ADAD1: variants seen among roughly 807,000 people sequenced by gnomAD.
The protein encoded by ADAD1 is adenosine deaminase domain-containing protein 1.
ADAD1 carries 46 observed loss-of-function variants against 66.8 expected under a neutral mutation model. The observed-to-expected ratio is 0.69, with a 90% CI of 0.54 to 0.88. ADAD1 has a LOEUF of 0.88. Ranked by LOEUF, ADAD1 falls within the 40% of genes least tolerant of loss-of-function variation. The pLI is 0.00. For synonymous variants in ADAD1, 248 were observed against 229.4 expected (o/e 1.08, Z -0.73); for missense variants, 617 against 681.8 (o/e 0.91, Z 1.06).
At chr4:122,405,049 A>T (rs1269972733) in intron 7 of ADAD1, among the ~76,000 whole-genome samples, 1 of 152,172 alleles carries the variant, frequency 6.6e-6, no homozygotes, top group Non-Finnish European at 1.5e-5. Context: ...ATTACCCTTT[A>T]CAACTCAGAG....
In ADAD1 at chr4:122,411,335, A is replaced by G. The variant is rs758774867; in HGVS notation, c.962A>G (p.Asn321Ser). ...SNLLTLKQNI[N>S]ICLYMNQLPK... ...CTACTCACTCTTAAACAGAATATCA[A>G]CATTTGCCTTTACATGAACCAGTTG... is the stretch of plus-strand genomic sequence containing the variant. Residue 321 changes from asparagine to serine, a missense_variant, in exon 9 of 13, where the codon AAC becomes AGC. Physicochemically the swap from Asn to Ser is conservative, Grantham distance 46 (BLOSUM62 1). Transcript: ENST00000296513. The G allele has an allele frequency of 2.3e-5, 37 of 1,613,468 alleles. No individual in the cohort carries two copies. The highest frequency in any genetic ancestry group is 2.9e-5 in the Non-Finnish European group (34 of 1,179,726).
chr4:122,422,064 T>C (rs914444207), intron 12 of ADAD1, among the ~76,000 whole-genome samples: 7 of 152,008 alleles, frequency 4.6e-5, no homozygotes, highest in African/African-American at 1.7e-4. Context: ...TAAGGCCATA[T>C]TGGGTATGGT....
chr4:122,425,447 AATT>A (rs1300097947), intron 12 of ADAD1, among the ~76,000 whole-genome samples: 3 of 152,060 alleles, frequency 2.0e-5, no homozygotes, highest in Non-Finnish European at 4.4e-5. Context: ...TCAAGGAAGA[AATT>A]ATTAGGAAAA....
In ADAD1 at chr4:122,429,700, G is replaced by A. The variant is rs1369324953; in HGVS notation, c.1692G>A (p.Trp564Ter). The change falls in exon 13 of 13, where the codon TGG becomes TGA. Residue 564 changes from tryptophan (W) to a stop codon, truncating the protein, a stop_gained. Transcript: ENST00000296513. LOFTEE classifies it high-confidence loss of function. ...TACAACAACATGGCTATGGATCCTG[G>A]ATTGTGAAATCTCCCTGCATAGAGC... ...SYLQQHGYGS[W>*]IVKSPCIEQF... 1 of 1,613,106 alleles carries A rather than the reference G, an allele frequency of 6.2e-7. No individual in the cohort carries two copies. The highest frequency in any genetic ancestry group is 8.5e-7 in the Non-Finnish European group (1 of 1,179,498).
intron 12 of ADAD1, among the ~76,000 whole-genome samples, chr4:122,424,913 G>T (rs1797161247): frequency 6.6e-6 from 1 of 152,024 alleles, no homozygotes. Context: ...TAACAAGACA[G>T]CTGGAATGTT....
At chr4:122,414,277 G>T (rs1420868897) in intron 10 of ADAD1, among the ~76,000 whole-genome samples, 1 of 108,166 alleles carries the variant, frequency 9.2e-6, no homozygotes, top group African/African-American at 3.1e-5. Context: ...TTTTTTTTTG[G>T]GGGGGGGGGT....
At chr4:122,383,657 T>C (rs868632817) in intron 4 of ADAD1, 142 bp from the exon 5 acceptor site, 2 of 885,528 alleles carry the variant, frequency 2.3e-6, no homozygotes, top group Non-Finnish European at 3.4e-6. Context: ...CTCCTATTGG[T>C]CCTACAAAAG....
In ADAD1 at chr4:122,412,691, T is replaced by C; in HGVS notation, c.1131T>C (p.Val377=). ...YLTVYCPKDG[V]NRISSMSSSD... ...CTGTTTACTGTCCTAAAGATGGTGT[T>C]AATAGAATAAGCAGTATGTCCTCAA... The change falls in exon 10 of 13, where the codon GTT becomes GTC. Residue 377 remains valine, a synonymous_variant. Coordinates refer to ENST00000296513, the MANE Select transcript of ADAD1 (RefSeq NM_139243.4). The C allele has an allele frequency of 6.2e-7, 1 of 1,613,902 alleles. No homozygotes were observed. The highest frequency in any genetic ancestry group is 8.5e-7 in the Non-Finnish European group (1 of 1,179,828).
intron 11 of ADAD1, among the ~76,000 whole-genome samples, chr4:122,418,888 G>T (rs1334637391): frequency 6.6e-6 from 1 of 152,292 alleles, no homozygotes; most frequent in African/African-American, 2.4e-5. Flanking sequence ...ACAGATGCTG[G>T]TGAGGTTGTG....
chr4:122,418,558 A>G (rs757718544), intron 11 of ADAD1, among the ~76,000 whole-genome samples: 3 of 151,938 alleles, frequency 2.0e-5, no homozygotes, highest in Non-Finnish European at 4.4e-5. Flanking sequence ...TCCTGACCTC[A>G]TGATCCGCCC....
At chr4:122,393,946 A>G (rs1305898968) in intron 6 of ADAD1, among the ~76,000 whole-genome samples, 2 of 152,146 alleles carry the variant, frequency 1.3e-5, no homozygotes, top group Non-Finnish European at 2.9e-5. Flanking sequence ...CTTGTCATGA[A>G]CGAAAACCAA....
At chr4:122,393,769 C>A in intron 6 of ADAD1, 112 bp downstream of exon 6, 1 of 728,624 alleles carries the variant, frequency 1.4e-6, no homozygotes, top group Non-Finnish European at 2.0e-6. Flanking sequence ...ACTTTATCAT[C>A]CAAACCTTTC....
chr4:122,410,003 C>T (rs1003731781), intron 8 of ADAD1, among the ~76,000 whole-genome samples: 1 of 152,140 alleles, frequency 6.6e-6, no homozygotes, highest in African/African-American at 2.4e-5. Flanking sequence ...TTCAAAGACA[C>T]TCAAGTGAGA....
intron 5 of ADAD1, among the ~76,000 whole-genome samples, chr4:122,392,033 A>C (rs1194007433): frequency 6.6e-6 from 1 of 152,198 alleles, no homozygotes; most frequent in Non-Finnish European, 1.5e-5. Flanking sequence ...TTTAAAATGC[A>C]AAACATCTTG....
At chr4:122,400,403 G>A (rs547599181) in intron 7 of ADAD1, among the ~76,000 whole-genome samples, 3 of 152,132 alleles carry the variant, frequency 2.0e-5, no homozygotes, top group South Asian at 4.2e-4. Flanking sequence ...GATTCAGTTA[G>A]CTAGTATTTT....
chr4:122,423,632 A>G (rs1232726338), intron 12 of ADAD1, among the ~76,000 whole-genome samples: 4 of 152,348 alleles, frequency 2.6e-5, no homozygotes, highest in Non-Finnish European at 4.4e-5. Flanking sequence ...TGAAAAATAC[A>G]TAGTTCTTAA....
chr4:122,407,272 T>C (rs896711094), intron 7 of ADAD1, among the ~76,000 whole-genome samples: 1 of 152,046 alleles, frequency 6.6e-6, no homozygotes, highest in African/African-American at 2.4e-5. Context: ...ATCTAGTCAC[T>C]GGGGAATGGA....
intron 5 of ADAD1, among the ~76,000 whole-genome samples, chr4:122,384,768 T>C (rs923852528): frequency 6.6e-6 from 1 of 152,238 alleles, no homozygotes; most frequent in South Asian, 2.1e-4. Flanking sequence ...CTGCAAACTT[T>C]AGTTTCTAAA....
At chr4:122,423,150 AAGC>A (rs1797083892) in intron 12 of ADAD1, among the ~76,000 whole-genome samples, 1 of 152,042 alleles carries the variant, frequency 6.6e-6, no homozygotes. Flanking sequence ...CTACCACCAA[AAGC>A]AGCAGCTTTG....
Sources: gnomAD v4.1 joint callset for allele counts (sites outside exome capture counted in the v4.1 genomes callset) on GRCh38, gnomAD v4.1.1 for gene constraint, MANE v1.5 for transcripts, NCBI Gene and HGNC (gene_info 2026-07-23, HGNC 2026-07-21) for gene names.